The following RETSAT variants were observed in gnomAD, a reference collection of about 807,000 sequenced individuals.
The protein encoded by RETSAT is all-trans-retinol 13,14-reductase.
Under a neutral mutation model 61.6 loss-of-function variants are expected in RETSAT, and 35 were observed. The ratio of observed to expected loss-of-function variants is 0.57; its 90% CI spans 0.43 to 0.75. The LOEUF is 0.75. Among genes scored for constraint, RETSAT ranks in the 30% least tolerant of loss-of-function variants. RETSAT has a pLI of 0.00. For missense variants in RETSAT, 670 were observed against 759.5 expected (o/e 0.88, Z 1.38); for synonymous variants, 277 against 310.4 (o/e 0.89, Z 1.13).
rs991280347 is a variant in RETSAT at position 85,344,667 on chromosome 2, G to A, written c.1183C>T (p.Arg395Ter). The A allele has an allele frequency of 3.7e-6, 6 of 1,614,128 alleles. No individual in the cohort carries two copies. The South Asian group carries it at 4.4e-5, about 12-fold the overall frequency. The change falls in exon 7 of 11, where the codon CGA becomes TGA. Residue 395 changes from arginine (R) to a stop codon, truncating the protein, a stop_gained. Transcript: ENST00000295802. LOFTEE classifies it high-confidence loss of function. ...LGMTSVFICLRGTKEDLHLPS... is the reference protein window; with the variant it reads ...LGMTSVFICL ...AGATGCAGGTCTTCCTTGGTGCCTC[G>A]CAGGCAGATGAAAACAGAGGTCATG... is the stretch of plus-strand genomic sequence containing the variant.
chr2:85,353,338 G>T (rs1197671982), intron 1 of RETSAT, among the ~76,000 whole-genome samples: 1 of 152,224 alleles, frequency 6.6e-6, no homozygotes, highest in Non-Finnish European at 1.5e-5. Flanking sequence ...GGAGGCTGAG[G>T]CAGGATAATC....
In RETSAT at chr2:85,343,812, G is replaced by A. The variant is rs1160839475; in HGVS notation, c.1534-14C>T. On this transcript the variant is annotated splice_polypyrimidine_tract_variant and intron_variant, in intron 9 of 10. Transcript: ENST00000295802. Reference sequence around the variant, plus strand: ...CACACTCTCCACCTGAGGGCAGAAAGGGTGGGGCAGGCATGTGAGATCCTG... The same window carrying A: ...CACACTCTCCACCTGAGGGCAGAAAAGGTGGGGCAGGCATGTGAGATCCTG... 1 of 1,612,868 alleles carries A rather than the reference G, an allele frequency of 6.2e-7. No homozygotes were observed.
intron 5 of RETSAT, among the ~76,000 whole-genome samples, chr2:85,348,630 C>CAAA (rs11400450): frequency 0.013 from 560 of 42,332 alleles, no homozygotes; most frequent in Non-Finnish European, 0.021. Flanking sequence ...GACTCCAACT[C>CAAA]AAAAAAAAAA....
At chr2:85,349,718 C>T (rs1379915249) in intron 4 of RETSAT, 137 bp from the exon 5 acceptor site, 2 of 767,014 alleles carry the variant, frequency 2.6e-6, no homozygotes, top group Non-Finnish European at 4.4e-6. Flanking sequence ...CCAAGGCAGC[C>T]AGAGGAGCCT....
chr2:85,354,081 G>T (rs1029448965), intron 1 of RETSAT, among the ~76,000 whole-genome samples: 3 of 152,222 alleles, frequency 2.0e-5, no homozygotes, highest in Admixed American at 2.0e-4. Flanking sequence ...GGCAGGGCGG[G>T]TGCCAACACC....
rs1008957541 is a variant in RETSAT, at chr2:85,345,701, G to A, written c.1117+274C>T. ...CTCAGCCCAGAAGGGTGGGAGGAGC[G>A]GAGCTTTCAAATCAGACCAGCTACT... On this transcript the variant is annotated intron_variant, in intron 6 of 10. Transcript: ENST00000295802. 32 of 537,910 alleles carry A rather than the reference G, an allele frequency of 5.9e-5. No homozygotes were observed. The Admixed American group carries it at 6.2e-4, about 10-fold the overall frequency. The allele number at this position is 537,910 out of a possible 1,614,324, so 33.3% of individuals were successfully genotyped here.
In RETSAT at chr2:85,344,133, C is replaced by T. The variant is rs540038695; in HGVS notation, c.1399G>A (p.Ala467Thr). 19 of 1,614,056 alleles carry T rather than the reference C, an allele frequency of 1.2e-5. No individual in the cohort carries two copies. The African/African-American group carries it at 2.0e-4, about 17-fold the overall frequency. Residue 467 changes from alanine to threonine, a missense_variant, in exon 9 of 11, where the codon GCC becomes ACC. Physicochemically the swap from Ala to Thr is moderately conservative, Grantham distance 58 (BLOSUM62 0). Coordinates refer to ENST00000295802, the MANE Select transcript of RETSAT (RefSeq NM_017750.4). ...RSTMIMLIPT[A>T]YEWFEEWQAE... Reference sequence around the variant, plus strand: ...TGCCACTCCTCAAACCACTCGTAGGCAGTGGGTATGAGCATGATCATGGTG... The same window carrying T: ...TGCCACTCCTCAAACCACTCGTAGGTAGTGGGTATGAGCATGATCATGGTG...
chr2:85,349,595 G>A lies in RETSAT; in HGVS notation c.800-14C>T. Reference sequence around the variant, plus strand: ...TGGGGGTGACACCTGCAGAAGCAAGGAAGGGTGGTGAGCTGGCAAGAGAAG... The same window carrying A: ...TGGGGGTGACACCTGCAGAAGCAAGAAAGGGTGGTGAGCTGGCAAGAGAAG... On this transcript the variant is annotated splice_polypyrimidine_tract_variant and intron_variant, in intron 4 of 10. Coordinates refer to ENST00000295802, the MANE Select transcript of RETSAT (RefSeq NM_017750.4). 1 of 1,612,584 alleles carries A rather than the reference G, an allele frequency of 6.2e-7. No individual in the cohort carries two copies. Among genetic ancestry groups the A allele is most frequent in the Non-Finnish European group, 8.5e-7 (1 of 1,178,654 alleles).
chr2:85,343,740 CGGG>C lies in RETSAT; in HGVS notation c.1589_1591del (p.Pro530del). On this transcript the variant is annotated inframe_deletion, in exon 10 of 11. Transcript: ENST00000295802. The stretch of plus-strand genomic sequence containing the variant: ...ATGGTCAGCCCCGTAGCAGGCACCT[CGGG>C]GAGCAGCCAGATAGAACTGGTTGGT... 1.5e-5 allele frequency: 24 copies of C among 1,614,022 alleles called. No individual in the cohort carries two copies. Among genetic ancestry groups the C allele is most frequent in the Non-Finnish European group, 1.9e-5 (22 of 1,179,884 alleles).
intron 5 of RETSAT, among the ~76,000 whole-genome samples, chr2:85,348,881 G>A (rs1397204723): frequency 6.6e-6 from 1 of 151,490 alleles, no homozygotes; most frequent in South Asian, 2.1e-4. Flanking sequence ...CTCCCAAGTA[G>A]CTGGGACTAT....
At chr2:85,353,614 G>T (rs1202258872) in intron 1 of RETSAT, among the ~76,000 whole-genome samples, 2 of 152,236 alleles carry the variant, frequency 1.3e-5, no homozygotes, top group Non-Finnish European at 2.9e-5. Flanking sequence ...TCAGTTCTCA[G>T]AAGTCCAGAT....
chr2:85,350,775 G>A lies in RETSAT; in HGVS notation c.597+5C>T. 6.2e-7 allele frequency: 1 copy of A among 1,614,126 alleles called. No homozygotes were observed. The highest frequency in any genetic ancestry group is 8.5e-7 in the Non-Finnish European group (1 of 1,180,012). On this transcript the variant is annotated splice_donor_5th_base_variant and intron_variant, in intron 3 of 10. Transcript: ENST00000295802. ...AACTCTGGGTCCTCAGCATGTCCAT[G>A]TTACCTTAACCAGCTTTATATACTT...
chr2:85,345,381 G>A (rs1573062110), intron 6 of RETSAT: 1 of 191,750 alleles, frequency 5.2e-6, no homozygotes, highest in South Asian at 9.7e-5. Context: ...CACCCTCTGG[G>A]GTCAGGGCTC....
chr2:85,349,550 C>T lies in RETSAT; in HGVS notation c.831G>A (p.Met277Ile). Reference protein sequence around the residue: ...GVTPNHSAFSMHALLVNHYMK... With the variant: ...GVTPNHSAFSIHALLVNHYMK... ...TGTAGTGGTTGACCAGCAGGGCGTG[C>T]ATGGAAAAGGCACTGTGGTTGGGGG... is the stretch of plus-strand genomic sequence containing the variant. Residue 277 changes from methionine to isoleucine, a missense_variant, in exon 5 of 11, where the codon ATG becomes ATA. Transcript: ENST00000295802. 1 of 1,614,134 alleles carries T rather than the reference C, an allele frequency of 6.2e-7. No individual in the cohort carries two copies. Among genetic ancestry groups the T allele is most frequent in the Non-Finnish European group, 8.5e-7 (1 of 1,180,014 alleles).
At chr2:85,351,485 G>A (rs946711480) in intron 2 of RETSAT, 195 bp downstream of exon 2, 2 of 566,604 alleles carry the variant, frequency 3.5e-6, no homozygotes, top group Non-Finnish European at 6.2e-6. Flanking sequence ...GTTACAGTAA[G>A]CTGGGATCAC....
At chr2:85,345,864 T>A (rs780860898) in intron 6 of RETSAT, 111 bp downstream of exon 6, 6 of 1,386,976 alleles carry the variant, frequency 4.3e-6, no homozygotes, top group Non-Finnish European at 6.1e-6. Flanking sequence ...TTAAGGACAA[T>A]CAGAGGGCCG....
At position 85,344,254 on chromosome 2, in the gene RETSAT, C is replaced by T; in HGVS notation, c.1351G>A (p.Glu451Lys). Residue 451 changes from glutamate (E) to lysine (K), a missense_variant, in exon 8 of 11, where the codon GAG (glutamate) becomes AAG (lysine). Glu to Lys is a moderately conservative substitution (Grantham distance 56, BLOSUM62 1). Coordinates refer to ENST00000295802, the MANE Select transcript of RETSAT (RefSeq NM_017750.4). Reference sequence around the variant, plus strand: ...GCAGCCCCACCTGGGAATCGGTCCTCCCAGGTCGGATCTTTGGCTGATGGG... The same window carrying T: ...GCAGCCCCACCTGGGAATCGGTCCTTCCAGGTCGGATCTTTGGCTGATGGG... ...AFPSAKDPTWEDRFPGRSTMI... is the reference protein window; with the variant it reads ...AFPSAKDPTWKDRFPGRSTMI... 1 of 1,614,128 alleles carries T rather than the reference C, an allele frequency of 6.2e-7. No homozygotes were observed. The highest frequency in any genetic ancestry group is 8.5e-7 in the Non-Finnish European group (1 of 1,180,024).
intron 6 of RETSAT, 65 bp downstream of exon 6, chr2:85,345,910 G>T: frequency 1.2e-6 from 2 of 1,609,676 alleles, no homozygotes; most frequent in Non-Finnish European, 1.7e-6. Context: ...ACACGGAGCA[G>T]GTTGGCTCCA....
rs1222762404 is a variant in RETSAT, at chr2:85,344,075, T to C, written c.1457A>G (p.Tyr486Cys). The C allele has an allele frequency of 6.8e-6, 11 of 1,612,946 alleles. No homozygotes were observed. Among genetic ancestry groups the C allele is most frequent in the Non-Finnish European group, 9.3e-6 (11 of 1,180,020 alleles). ...CACAAAGGAGTTTTTGAAGGTCTCA[T>C]AGTCACTGCCCCGCTTTCCCTTCAG... ...AELKGKRGSD[Y>C]ETFKNSFVEA... The change falls in exon 9 of 11, where the codon TAT becomes TGT. Residue 486 changes from tyrosine (Y) to cysteine (C), a missense_variant. Tyr to Cys is a radical substitution (Grantham distance 194). Transcript: ENST00000295802.
Sources: allele counts gnomAD v4.1 joint callset (sites outside exome capture counted in the v4.1 genomes callset), GRCh38; gene constraint gnomAD v4.1.1; transcripts MANE v1.5; gene names NCBI Gene and HGNC (gene_info 2026-07-23, HGNC 2026-07-21).